The following PTPRK variants were observed in gnomAD, a reference collection of about 807,000 sequenced individuals.
PTPRK encodes the protein receptor-type tyrosine-protein phosphatase kappa.
PTPRK carries 75 observed loss-of-function variants against 178.0 expected under a neutral mutation model. The observed-to-expected ratio is 0.42, with a 90% CI of 0.35 to 0.51. PTPRK has a LOEUF of 0.51. Ranked by LOEUF, PTPRK falls within the 20% of genes least tolerant of loss-of-function variation. The pLI is 0.02. For synonymous variants in PTPRK, 637 were observed against 620.6 expected, an observed-to-expected ratio of 1.03 and a Z score of -0.39; for missense variants, 1,441 against 1,797.8, an observed-to-expected ratio of 0.80 and a Z score of 3.59.
At chr6:128,016,294 T>C (rs1338006371) in intron 13 of PTPRK, among the ~76,000 whole-genome samples, 1 of 151,862 alleles carries the variant, frequency 6.6e-6, no homozygotes, top group Non-Finnish European at 1.5e-5. Context: ...AGGGTGACGT[T>C]ATAAAGGACT....
Position 128,192,960 on chromosome 6 carries a change from A to G in PTPRK, c.869-8235T>C, listed in dbSNP as rs542221871. On this transcript the variant is annotated intron_variant, in intron 6 of 29. Coordinates refer to ENST00000368226, the MANE Select transcript of PTPRK (RefSeq NM_002844.4). ...AAGGAGGGAAGGAGGGAAGGAAGGA[A>G]GGAAAAAACTACGTAAATTCTACCT... is the stretch of plus-strand genomic sequence containing the variant. Among the ~76,000 whole-genome samples the G allele has an allele frequency of 5.3e-5, 8 of 151,494 alleles. No individual in the cohort carries two copies. The East Asian group carries it at 1.6e-3, about 30-fold the overall frequency.
intron 1 of PTPRK, among the ~76,000 whole-genome samples, chr6:128,473,923 C>A (rs1351712712): frequency 6.6e-6 from 1 of 151,946 alleles, no homozygotes; most frequent in Non-Finnish European, 1.5e-5. Flanking sequence ...AAAACAAAAA[C>A]AAAACCTGAC....
intron 6 of PTPRK, among the ~76,000 whole-genome samples, chr6:128,191,614 T>C (rs952165365): frequency 6.6e-6 from 1 of 152,106 alleles, no homozygotes; most frequent in Non-Finnish European, 1.5e-5. Flanking sequence ...AAATATATGG[T>C]AATTAGCTTG....
intron 2 of PTPRK, among the ~76,000 whole-genome samples, chr6:128,323,512 C>T (rs760109714): frequency 2.6e-5 from 4 of 152,116 alleles, no homozygotes; most frequent in African/African-American, 9.7e-5. Context: ...AGTAATCAAT[C>T]TTCTGCATTC....
chr6:128,310,820 C>T (rs1337495098), intron 3 of PTPRK, among the ~76,000 whole-genome samples: 1 of 152,152 alleles, frequency 6.6e-6, no homozygotes, highest in Non-Finnish European at 1.5e-5. Flanking sequence ...GTAGCATGCC[C>T]TTCTATGGCA....
intron 1 of PTPRK, among the ~76,000 whole-genome samples, chr6:128,504,444 A>C (rs919131544): frequency 6.6e-6 from 1 of 152,212 alleles, no homozygotes; most frequent in Non-Finnish European, 1.5e-5. Context: ...AGAGTCCAGG[A>C]AAGATCTCAA....
At chr6:128,005,047 G>T in intron 15 of PTPRK, 37 bp downstream of exon 15, 1 of 1,547,380 alleles carries the variant, frequency 6.5e-7, no homozygotes, top group South Asian at 1.2e-5. Context: ...GAAATGAGTT[G>T]TAACATCATT....
At chr6:128,082,215 T>A (rs1784950296) in intron 10 of PTPRK, among the ~76,000 whole-genome samples, 1 of 152,164 alleles carries the variant, frequency 6.6e-6, no homozygotes, top group Non-Finnish European at 1.5e-5. Flanking sequence ...ATAATTTTTT[T>A]AAGACCACTG....
At chr6:128,482,430 T>C (rs1239708422) in intron 1 of PTPRK, among the ~76,000 whole-genome samples, 2 of 151,926 alleles carry the variant, frequency 1.3e-5, no homozygotes, top group African/African-American at 4.8e-5. Flanking sequence ...TCATGAGACA[T>C]GGGAGGAAAA....
chr6:128,372,860 T>C (rs1299855302), intron 2 of PTPRK, among the ~76,000 whole-genome samples: 1 of 152,012 alleles, frequency 6.6e-6, no homozygotes, highest in African/African-American at 2.4e-5. Context: ...CACTATAGCC[T>C]GCCAAATTTT....
chr6:128,037,378 C>T (rs575500354), intron 13 of PTPRK, among the ~76,000 whole-genome samples: 6 of 152,188 alleles, frequency 3.9e-5, no homozygotes, highest in African/African-American at 1.4e-4. Flanking sequence ...GCAACTGTGC[C>T]TGTGAATGAA....
intron 7 of PTPRK, among the ~76,000 whole-genome samples, chr6:128,125,221 G>GTAA (rs1191901980): frequency 2.6e-5 from 4 of 152,168 alleles, no homozygotes; most frequent in African/African-American, 9.7e-5. Flanking sequence ...ATGTTAAATG[G>GTAA]TAATCCCCAA....
intron 6 of PTPRK, among the ~76,000 whole-genome samples, chr6:128,193,280 GAAAAAA>G (rs778872277): frequency 1.6e-4 from 9 of 57,766 alleles, no homozygotes; most frequent in Non-Finnish European, 2.6e-4. Flanking sequence ...TCCAGCTTGT[GAAAAAA>G]AAAAAAAAAA....
chr6:128,028,124 C>A (rs73773990), intron 13 of PTPRK, among the ~76,000 whole-genome samples: 10,546 of 152,184 alleles, frequency 0.069, 1,016 homozygotes, highest in African/African-American at 0.21. Context: ...AATTATACTG[C>A]ACACACTATT....
intron 25 of PTPRK, among the ~76,000 whole-genome samples, chr6:127,980,835 A>C (rs1161778238): frequency 7.1e-6 from 1 of 141,410 alleles, no homozygotes; most frequent in Non-Finnish European, 1.6e-5. Context: ...CTTTTCTGAA[A>C]ATAATTAAGA....
At chr6:128,397,157 C>A (rs1357881708) in intron 2 of PTPRK, among the ~76,000 whole-genome samples, 1 of 152,142 alleles carries the variant, frequency 6.6e-6, no homozygotes, top group Non-Finnish European at 1.5e-5. Flanking sequence ...TCTCTCCTTA[C>A]AATGTAATAA....
intron 1 of PTPRK, among the ~76,000 whole-genome samples, chr6:128,413,562 A>G (rs892857896): frequency 2.6e-5 from 4 of 152,098 alleles, no homozygotes; most frequent in African/African-American, 4.8e-5. Flanking sequence ...TGTGATATCA[A>G]TGGTATTCCT....
At chr6:128,465,423 T>C (rs1849717524) in intron 1 of PTPRK, among the ~76,000 whole-genome samples, 1 of 152,210 alleles carries the variant, frequency 6.6e-6, no homozygotes, top group South Asian at 2.1e-4. Flanking sequence ...AGACAATTCT[T>C]ATTATAAAAT....
At position 128,392,306 on chromosome 6, in the gene PTPRK, G is replaced by T. The variant is rs186581998; in HGVS notation, c.223+5260C>A. Reference sequence around the variant, plus strand: ...ATACAGTGTGTGCATTTTAAATAAAGAACTCTGTACAGTTATTTTCATTAT... The same window carrying T: ...ATACAGTGTGTGCATTTTAAATAAATAACTCTGTACAGTTATTTTCATTAT... On this transcript the variant is annotated intron_variant, in intron 2 of 29. Transcript: ENST00000368226. Among the ~76,000 whole-genome samples, 19 of 152,184 alleles carry T rather than the reference G, an allele frequency of 1.2e-4. No individual in the cohort carries two copies. In the East Asian group the frequency reaches 3.7e-3, roughly 29 times the overall value.
Sources: gnomAD v4.1 joint callset for allele counts (sites outside exome capture counted in the v4.1 genomes callset) on GRCh38, gnomAD v4.1.1 for gene constraint, MANE v1.5 for transcripts, NCBI Gene and HGNC (gene_info 2026-07-23, HGNC 2026-07-21) for gene names.